MYH13: variants seen among roughly 807,000 people sequenced by gnomAD.
MYH13 encodes the protein myosin heavy chain 13, also known as myosin-13.
In MYH13, 177 loss-of-function variants were observed where a neutral mutation model predicts 232.1. That is an observed-to-expected ratio of 0.76 (90% CI 0.67 to 0.86). The LOEUF (loss-of-function observed/expected upper bound fraction) is 0.86. Among genes scored for constraint, MYH13 ranks in the 40% least tolerant of loss-of-function variants. MYH13 has a pLI of 0.00. For synonymous variants in MYH13, 884 were observed against 923.5 expected (o/e 0.96, Z 0.78); for missense variants, 2,246 against 2,405.9 (o/e 0.93, Z 1.39).
chr17:10,340,072 G>A (rs1211721636), intron 18 of MYH13, 78 bp downstream of exon 18: 16 of 1,250,150 alleles, frequency 1.3e-5, no homozygotes, highest in South Asian at 2.7e-5. Context: ...CTTTCCAAAC[G>A]CACACCCACA....
Position 10,349,410 on chromosome 17 carries a change from A to G in MYH13, c.1144+1146T>C, listed in dbSNP as rs539443259. ...CTGCTGTGCCCAGCCTGCTCATGAC[A>G]TTTCTTCTGCTTGAACTGATCTCTC... is the stretch of plus-strand genomic sequence containing the variant. On this transcript the variant is annotated intron_variant, in intron 12 of 40. Coordinates refer to ENST00000252172, the MANE Select transcript of MYH13 (RefSeq NM_003802.3). Among the ~76,000 whole-genome samples the G allele has an allele frequency of 3.8e-4, 57 of 151,454 alleles. 2 individuals carry two copies. In the South Asian group the frequency reaches 0.012, roughly 32 times the overall value.
chr17:10,311,824 T>C, intron 32 of MYH13, 87 bp downstream of exon 32: 1 of 1,454,760 alleles, frequency 6.9e-7, no homozygotes, highest in Non-Finnish European at 9.5e-7. Flanking sequence ...GGGAAGGAGG[T>C]GTCTGGAGAT....
intron 35 of MYH13, 50 bp downstream of exon 35, chr17:10,309,184 G>T: frequency 6.4e-7 from 1 of 1,570,282 alleles, no homozygotes; most frequent in Non-Finnish European, 8.7e-7. Context: ...TGCAGGAGGC[G>T]CTATCTGCCC....
chr17:10,329,379 A>T (rs1907334563), intron 21 of MYH13, among the ~76,000 whole-genome samples: 2 of 152,226 alleles, frequency 1.3e-5, no homozygotes, highest in South Asian at 2.1e-4. Flanking sequence ...CTCCTCTCTC[A>T]CCCATCAACT....
rs75281639 is a variant in MYH13, at chr17:10,339,539, G to T, written c.2056+611C>A. Among the ~76,000 whole-genome samples the T allele has an allele frequency of 6.2e-3, 947 of 152,256 alleles. 9 individuals are homozygous for T. The highest frequency in any genetic ancestry group is 0.011 in the Non-Finnish European group (759 of 68,018). On this transcript the variant is annotated intron_variant, in intron 18 of 40. Coordinates refer to ENST00000252172, the MANE Select transcript of MYH13 (RefSeq NM_003802.3). The stretch of plus-strand genomic sequence containing the variant: ...GTTATTGATGCTATTTTGATTATGG[G>T]ATACCCAAGATGATTATTTGCCAAA...
At position 10,362,359 on chromosome 17, in the gene MYH13, C is replaced by T. The variant is rs188631380; in HGVS notation, c.348+1G>A. ...ATAAAAAGGTGTTTACAGACACTCA[C>T]GTAGATCATCCAGGCTGCATAGCGC... On this transcript the variant is annotated splice_donor_variant, in intron 4 of 40. Coordinates refer to ENST00000252172, the MANE Select transcript of MYH13 (RefSeq NM_003802.3). LOFTEE classifies it high-confidence loss of function. The T allele has an allele frequency of 2.9e-4, 472 of 1,614,104 alleles. 3 individuals carry two copies. The highest frequency in any genetic ancestry group is 1.5e-3 in the Middle Eastern group (9 of 6,062).
chr17:10,301,846 A>G, intron 39 of MYH13, 143 bp from the exon 40 acceptor site: 1 of 1,156,156 alleles, frequency 8.6e-7, no homozygotes, highest in Non-Finnish European at 1.2e-6. Context: ...AGCTTTCTCC[A>G]GCGTGTGAGG....
intron 11 of MYH13, 27 bp from the exon 12 acceptor site, chr17:10,350,721 A>G (rs1321392418): frequency 2.5e-6 from 4 of 1,613,284 alleles, no homozygotes; most frequent in African/African-American, 2.7e-5. Flanking sequence ...GACAACTGTC[A>G]TAGCAGGAAT....
Position 10,354,742 on chromosome 17 carries a change from C to T in MYH13, c.943G>A (p.Val315Met), listed in dbSNP as rs374884438. The part of the protein sequence containing the change: ...ISTNPFDFPF[V>M]SQGEVTVASI... ...GCTACCGTGACCTCTCCTTGGCTCA[C>T]GAAGGGGAAGTCGAAGGGGTTGGTG... is the stretch of plus-strand genomic sequence containing the variant. The change falls in exon 11 of 41, where the codon GTG (valine) becomes ATG (methionine). Residue 315 changes from valine (V) to methionine (M), a missense_variant. Physicochemically the swap from Val to Met is conservative, Grantham distance 21 (BLOSUM62 1). Transcript: ENST00000252172. 159 of 1,613,854 alleles carry T rather than the reference C, an allele frequency of 9.9e-5. No homozygotes were observed. The African/African-American group carries it at 1.6e-3, about 17-fold the overall frequency.
In MYH13 at chr17:10,306,824, C is replaced by CAGATGTTGTCATAAGAGATGAAA. The variant is rs1906302597; in HGVS notation, c.5295+114_5295+115insTTTCATCTCTTATGACAACATCT. 1.3e-6 allele frequency: 2 copies of CAGATGTTGTCATAAGAGATGAAA among 1,561,724 alleles called. No homozygotes were observed. Among genetic ancestry groups the CAGATGTTGTCATAAGAGATGAAA allele is most frequent in the African/African-American group, 1.4e-5 (1 of 73,728 alleles). On this transcript the variant is annotated intron_variant, in intron 36 of 40. Coordinates refer to ENST00000252172, the MANE Select transcript of MYH13 (RefSeq NM_003802.3). The surrounding 1 kb of genome is among the most constrained non-coding windows in gnomAD (Gnocchi z 4.3). ...TACCTCATTACATCTGTCTGGGAAG[C>CAGATGTTGTCATAAGAGATGAAA]CACCACTAACCGATTGTTGTCATAA...
chr17:10,345,148 A>T, intron 15 of MYH13, 54 bp downstream of exon 15: 1 of 1,613,618 alleles, frequency 6.2e-7, no homozygotes, highest in South Asian at 1.1e-5. Flanking sequence ...TCAGAGCAAG[A>T]AGGGGAGGGC....
intron 32 of MYH13, 115 bp downstream of exon 32, chr17:10,311,796 A>AG: frequency 8.2e-7 from 1 of 1,222,648 alleles, no homozygotes; most frequent in South Asian, 1.4e-5. Flanking sequence ...ATGATGGGTG[A>AG]GGATCGTGTG....
At chr17:10,364,578 T>TCAGCAGTCACCCAAGCACAA in intron 2 of MYH13, 36 bp from the exon 3 acceptor site, 1 of 1,531,352 alleles carries the variant, frequency 6.5e-7, no homozygotes, top group Non-Finnish European at 8.9e-7. Flanking sequence ...GTCTTGTGCT[T>TCAGCAGTCACCCAAGCACAA]GGGTGACTGC....
intron 16 of MYH13, among the ~76,000 whole-genome samples, chr17:10,343,030 C>T (rs1293109266): frequency 6.8e-6 from 1 of 147,000 alleles, no homozygotes; most frequent in Non-Finnish European, 1.5e-5. Flanking sequence ...GCAGAGCCTG[C>T]AGTGAGCCGA....
chr17:10,352,998 T>C (rs1177723283), intron 11 of MYH13, among the ~76,000 whole-genome samples: 3 of 152,118 alleles, frequency 2.0e-5, no homozygotes, highest in African/African-American at 7.2e-5. Context: ...TCACAGCAGC[T>C]GAGTCTCAGC....
At position 10,333,197 on chromosome 17, in the gene MYH13, G is replaced by T; in HGVS notation, c.2057-6C>A. 2 of 1,534,326 alleles carry T rather than the reference G, an allele frequency of 1.3e-6. No homozygotes were observed. The highest frequency in any genetic ancestry group is 8.8e-7 in the Non-Finnish European group (1 of 1,131,230). The stretch of plus-strand genomic sequence containing the variant: ...CAAGTAGTGGTCCATCACACCTGGA[G>T]AGAGAACGTCCCGGGGGTGTGCCTG... On this transcript the variant is annotated splice_region_variant and splice_polypyrimidine_tract_variant and intron_variant, in intron 18 of 40. Coordinates refer to ENST00000252172, the MANE Select transcript of MYH13 (RefSeq NM_003802.3).
chr17:10,316,172 C>G (rs1445691073), intron 27 of MYH13, 147 bp from the exon 28 acceptor site: 3 of 1,116,884 alleles, frequency 2.7e-6, no homozygotes, highest in African/African-American at 3.2e-5. Flanking sequence ...TCAAAAAAAT[C>G]ATAATCGGCC....
intron 18 of MYH13, among the ~76,000 whole-genome samples, chr17:10,339,382 A>T (rs911370853): frequency 6.6e-6 from 1 of 152,218 alleles, no homozygotes; most frequent in Non-Finnish European, 1.5e-5. Context: ...TTCTGTATTT[A>T]TATATAGTCT....
At chr17:10,326,431 CA>C (rs1381702734) in intron 22 of MYH13, among the ~76,000 whole-genome samples, 9 of 152,200 alleles carry the variant, frequency 5.9e-5, no homozygotes, top group Admixed American at 3.9e-4. Flanking sequence ...GTGAAAGAGA[CA>C]ATTATACTGC....
Sources: gnomAD v4.1 joint callset for allele counts (sites outside exome capture counted in the v4.1 genomes callset) on GRCh38, gnomAD v4.1.1 for gene constraint, Gnocchi (gnomAD v3.1) non-coding constraint, MANE v1.5 for transcripts, NCBI Gene and HGNC (gene_info 2026-07-23, HGNC 2026-07-21) for gene names.